ZNF804A: variants seen among roughly 807,000 people sequenced by gnomAD.
ZNF804A encodes zinc finger protein 804A.
Under a neutral mutation model 16.5 loss-of-function variants are expected in ZNF804A, and 2 were observed. The ratio of observed to expected loss-of-function variants is 0.12; its 90% CI spans 0.05 to 0.38. The LOEUF is 0.38. Ranked by LOEUF, ZNF804A falls within the 10% of genes least tolerant of loss-of-function variation. The pLI is 0.99. For missense variants in ZNF804A, 1,473 were observed against 1,390.7 expected (o/e 1.06, Z -0.94); for synonymous variants, 534 against 489.6 (o/e 1.09, Z -1.20).
At chr2:184,781,396 T>C (rs1051919534) in intron 1 of ZNF804A, among the ~76,000 whole-genome samples, 1 of 151,768 alleles carries the variant, frequency 6.6e-6, no homozygotes, top group South Asian at 2.1e-4. Flanking sequence ...ATTTAACATG[T>C]ATTTAACTCA....
chr2:184,792,699 A>G (rs986851859), intron 1 of ZNF804A, among the ~76,000 whole-genome samples: 2 of 152,216 alleles, frequency 1.3e-5, no homozygotes, highest in Admixed American at 1.3e-4. Context: ...TAATTTTTTT[A>G]CTGGATCTAA....
intron 1 of ZNF804A, among the ~76,000 whole-genome samples, chr2:184,675,158 G>A (rs1692401236): frequency 6.6e-6 from 1 of 151,812 alleles, no homozygotes; most frequent in South Asian, 2.1e-4. Flanking sequence ...AGATGCATGT[G>A]TATACCTACC....
chr2:184,788,173 T>G (rs1232091402), intron 1 of ZNF804A, among the ~76,000 whole-genome samples: 1 of 152,012 alleles, frequency 6.6e-6, no homozygotes, highest in Non-Finnish European at 1.5e-5. Context: ...ATTTCTGGGT[T>G]ATCTATTTTG....
chr2:184,915,766 A>C (rs776023312), intron 2 of ZNF804A, among the ~76,000 whole-genome samples: 1 of 152,174 alleles, frequency 6.6e-6, no homozygotes, highest in Non-Finnish European at 1.5e-5. Context: ...TTGGGGAAAG[A>C]TATTGTTCAG....
chr2:184,657,276 G>C (rs1010557920), intron 1 of ZNF804A, among the ~76,000 whole-genome samples: 6 of 152,008 alleles, frequency 3.9e-5, no homozygotes, highest in Non-Finnish European at 8.8e-5. Flanking sequence ...GGTAGAGATG[G>C]GGTTTTCGCC....
chr2:184,844,181 C>T (rs1049773351), intron 1 of ZNF804A, among the ~76,000 whole-genome samples: 1 of 151,708 alleles, frequency 6.6e-6, no homozygotes, highest in Non-Finnish European at 1.5e-5. Context: ...TATACCCCCC[C>T]CCATTTCTTC....
chr2:184,646,705 T>C (rs1204985767), intron 1 of ZNF804A, among the ~76,000 whole-genome samples: 1 of 152,222 alleles, frequency 6.6e-6, no homozygotes, highest in Non-Finnish European at 1.5e-5. Context: ...TATACTCTCC[T>C]TGATTAGGAA....
chr2:184,718,203 A>C (rs1693245049), intron 1 of ZNF804A, among the ~76,000 whole-genome samples: 1 of 151,950 alleles, frequency 6.6e-6, no homozygotes, highest in Non-Finnish European at 1.5e-5. Flanking sequence ...TAAAATCATC[A>C]GATCTTGTGA....
At chr2:184,894,643 C>T (rs1248639265) in intron 2 of ZNF804A, among the ~76,000 whole-genome samples, 3 of 151,914 alleles carry the variant, frequency 2.0e-5, no homozygotes, top group Admixed American at 6.6e-5. Context: ...ACACGTTAAG[C>T]GAATATACTT....
chr2:184,855,267 C>T (rs530380951), intron 1 of ZNF804A, among the ~76,000 whole-genome samples: 22 of 152,074 alleles, frequency 1.4e-4, no homozygotes, highest in Admixed American at 4.6e-4. Context: ...TCAGTGTTTT[C>T]GGGGAGTGAA....
At chr2:184,723,074 C>T (rs1471404495) in intron 1 of ZNF804A, among the ~76,000 whole-genome samples, 3 of 151,686 alleles carry the variant, frequency 2.0e-5, no homozygotes, top group East Asian at 1.9e-4. Flanking sequence ...GAGAAATCAT[C>T]GAGTAACATG....
intron 1 of ZNF804A, among the ~76,000 whole-genome samples, chr2:184,851,440 CT>C (rs1695600860): frequency 6.6e-6 from 1 of 151,888 alleles, no homozygotes; most frequent in Admixed American, 6.6e-5. Flanking sequence ...TGGTATTTGT[CT>C]TTTTGTACCT....
At chr2:184,648,112 AAAAG>A (rs1691913332) in intron 1 of ZNF804A, among the ~76,000 whole-genome samples, 3 of 152,152 alleles carry the variant, frequency 2.0e-5, no homozygotes, top group African/African-American at 7.2e-5. Flanking sequence ...TAATTTTAAG[AAAAG>A]AAAAGAAAAG....
intron 2 of ZNF804A, among the ~76,000 whole-genome samples, chr2:184,912,087 C>T (rs1044953687): frequency 1.3e-5 from 2 of 151,904 alleles, no homozygotes; most frequent in Admixed American, 6.6e-5. Context: ...GAACACCATC[C>T]TTTTCTAGTT....
intron 2 of ZNF804A, among the ~76,000 whole-genome samples, chr2:184,883,028 T>C (rs895467659): frequency 6.6e-6 from 1 of 151,678 alleles, no homozygotes; most frequent in Non-Finnish European, 1.5e-5. Context: ...ATAAGATAGA[T>C]CACTAGCTAG....
intron 2 of ZNF804A, among the ~76,000 whole-genome samples, chr2:184,919,211 A>G (rs1685495090): frequency 6.6e-6 from 1 of 152,212 alleles, no homozygotes; most frequent in East Asian, 1.9e-4. Context: ...GTAAATTTCT[A>G]TTCCAGGAAG....
intron 1 of ZNF804A, among the ~76,000 whole-genome samples, chr2:184,711,763 A>T (rs1396771978): frequency 2.0e-5 from 3 of 151,354 alleles, no homozygotes; most frequent in African/African-American, 7.3e-5. Context: ...TGTTATTGGC[A>T]CCCTTGTCAA....
chr2:184,635,135 A>G (rs1691675546), intron 1 of ZNF804A, among the ~76,000 whole-genome samples: 1 of 152,168 alleles, frequency 6.6e-6, no homozygotes, highest in Non-Finnish European at 1.5e-5. Context: ...CTAAGCTGTT[A>G]TGTAATTCAT....
At chr2:184,611,176 C>A (rs554909502) in intron 1 of ZNF804A, among the ~76,000 whole-genome samples, 12 of 152,092 alleles carry the variant, frequency 7.9e-5, no homozygotes, top group Non-Finnish European at 1.8e-4. Flanking sequence ...TCTATAAGGG[C>A]ACTAATCTGT....
Sources: gnomAD v4.1 joint callset for allele counts (sites outside exome capture counted in the v4.1 genomes callset) on GRCh38, gnomAD v4.1.1 for gene constraint, MANE v1.5 for transcripts, NCBI Gene and HGNC (gene_info 2026-07-23, HGNC 2026-07-21) for gene names.